UVRAG: variants seen among roughly 807,000 people sequenced by gnomAD.
UVRAG encodes the protein UV radiation resistance-associated gene protein.
Under a neutral mutation model 78.0 loss-of-function variants are expected in UVRAG, and 19 were observed. The observed-to-expected ratio is 0.24, with a 90% CI of 0.17 to 0.36. UVRAG has a LOEUF of 0.36. Ranked by LOEUF, UVRAG falls within the 10% of genes least tolerant of loss-of-function variation. The pLI, the probability that UVRAG is intolerant of heterozygous loss-of-function variation, is 1.00. For synonymous variants in UVRAG, 323 were observed against 324.6 expected, an observed-to-expected ratio of 1.00 and a Z score of 0.05; for missense variants, 740 against 853.8, an observed-to-expected ratio of 0.87 and a Z score of 1.66.
chr11:75,996,911 G>T (rs570032307), intron 8 of UVRAG, among the ~76,000 whole-genome samples: 1 of 152,276 alleles, frequency 6.6e-6, no homozygotes, highest in South Asian at 2.1e-4. Flanking sequence ...AGCCAATTGT[G>T]TAGAGGTATG....
At chr11:76,127,341 A>C (rs1483245096) in intron 14 of UVRAG, among the ~76,000 whole-genome samples, 1 of 152,176 alleles carries the variant, frequency 6.6e-6, no homozygotes, top group Non-Finnish European at 1.5e-5. Context: ...AGAATGAAGG[A>C]GTTAAAGAAA....
At chr11:76,075,697 T>C (rs906139407) in intron 13 of UVRAG, among the ~76,000 whole-genome samples, 1 of 152,140 alleles carries the variant, frequency 6.6e-6, no homozygotes, top group African/African-American at 2.4e-5. Context: ...TATAGAACAT[T>C]TTCATTGCCC....
intron 5 of UVRAG, chr11:75,892,225 T>G: frequency 3.7e-6 from 2 of 535,328 alleles, no homozygotes; most frequent in Non-Finnish European, 4.8e-6. Context: ...ATTAAGCCAG[T>G]CACACACAGG....
At chr11:75,907,263 C>A (rs1220180108) in intron 5 of UVRAG, among the ~76,000 whole-genome samples, 1 of 152,154 alleles carries the variant, frequency 6.6e-6, no homozygotes, top group Non-Finnish European at 1.5e-5. Flanking sequence ...GTGGTGAAAG[C>A]AATCACCTTG....
chr11:75,999,918 A>T (rs377558893), intron 8 of UVRAG, among the ~76,000 whole-genome samples: 1 of 152,268 alleles, frequency 6.6e-6, no homozygotes. Flanking sequence ...AATCTAAAAC[A>T]CTTCCCATCC....
intron 1 of UVRAG, among the ~76,000 whole-genome samples, chr11:75,821,376 C>G (rs1007029245): frequency 6.6e-6 from 1 of 152,148 alleles, no homozygotes; most frequent in African/African-American, 2.4e-5. Context: ...GGGTCTCACT[C>G]TGTTGCCCAG....
At chr11:76,059,793 G>A (rs1411834349) in intron 12 of UVRAG, among the ~76,000 whole-genome samples, 2 of 152,210 alleles carry the variant, frequency 1.3e-5, no homozygotes, top group Non-Finnish European at 1.5e-5. Flanking sequence ...GAGAAAAGTA[G>A]TAATGGCAAA....
intron 6 of UVRAG, among the ~76,000 whole-genome samples, chr11:75,938,247 A>G (rs1948417387): frequency 6.6e-6 from 1 of 151,790 alleles, no homozygotes; most frequent in Admixed American, 6.6e-5. Context: ...TGTTCAGTCT[A>G]TTTTCTGGCT....
At chr11:75,928,601 A>G (rs1948162688) in intron 6 of UVRAG, among the ~76,000 whole-genome samples, 1 of 146,214 alleles carries the variant, frequency 6.8e-6, no homozygotes, top group East Asian at 2.0e-4. Context: ...CCTGCCTCAG[A>G]AAAAAAAAAA....
chr11:75,916,849 GT>G (rs1415085897), intron 6 of UVRAG: 1 of 152,148 alleles, frequency 6.6e-6, no homozygotes, highest in Non-Finnish European at 1.5e-5. Context: ...CTGTGTGGGG[GT>G]CATAAGACCA....
At chr11:76,016,168 T>C (rs1481294506) in intron 11 of UVRAG, among the ~76,000 whole-genome samples, 1 of 152,186 alleles carries the variant, frequency 6.6e-6, no homozygotes, top group Non-Finnish European at 1.5e-5. Context: ...TTTTTCCTAG[T>C]AGTTGCTTCC....
intron 1 of UVRAG, among the ~76,000 whole-genome samples, chr11:75,841,073 T>C (rs1477847965): frequency 7.2e-5 from 11 of 152,162 alleles, no homozygotes; most frequent in Admixed American, 7.2e-4. Context: ...GTAACAGTAA[T>C]ATAAATTTGC....
At chr11:76,087,125 T>G (rs1044749418) in intron 13 of UVRAG, among the ~76,000 whole-genome samples, 8 of 152,238 alleles carry the variant, frequency 5.3e-5, no homozygotes, top group Non-Finnish European at 1.2e-4. Context: ...TGTGAGAGAT[T>G]TATTTTTCCT....
intron 13 of UVRAG, among the ~76,000 whole-genome samples, chr11:76,075,490 G>A (rs1336333657): frequency 6.6e-6 from 1 of 151,994 alleles, no homozygotes; most frequent in Non-Finnish European, 1.5e-5. Flanking sequence ...GCAGTCGCCT[G>A]TAATCCCAGC....
chr11:76,092,917 A>T (rs960931485), intron 13 of UVRAG, among the ~76,000 whole-genome samples: 1 of 152,190 alleles, frequency 6.6e-6, no homozygotes, highest in Admixed American at 6.5e-5. Context: ...GCCCATGCCT[A>T]TGTCCTGAAT....
intron 11 of UVRAG, 74 bp from the exon 12 acceptor site, chr11:76,016,739 TGA>T: frequency 7.9e-7 from 1 of 1,259,716 alleles, no homozygotes; most frequent in Non-Finnish European, 1.0e-6. Flanking sequence ...AAATATTCTT[TGA>T]AAATTATTTA....
intron 13 of UVRAG, among the ~76,000 whole-genome samples, chr11:76,098,432 A>T (rs1480079866): frequency 6.6e-6 from 1 of 152,140 alleles, no homozygotes; most frequent in Non-Finnish European, 1.5e-5. Flanking sequence ...TAACTCGCAA[A>T]CCTAGATGCC....
At chr11:75,847,806 A>G (rs1472921544) in intron 1 of UVRAG, among the ~76,000 whole-genome samples, 1 of 151,760 alleles carries the variant, frequency 6.6e-6, no homozygotes, top group Admixed American at 6.6e-5. Context: ...CCCCGTCTCC[A>G]CTAAAATACA....
chr11:75,945,363 G>A (rs1948568834), intron 6 of UVRAG, among the ~76,000 whole-genome samples: 1 of 152,024 alleles, frequency 6.6e-6, no homozygotes, highest in Non-Finnish European at 1.5e-5. Flanking sequence ...ATAGGCCTAG[G>A]TTTTCAAGGA....
Sources: allele counts gnomAD v4.1 joint callset (sites outside exome capture counted in the v4.1 genomes callset), GRCh38; gene constraint gnomAD v4.1.1; transcripts MANE v1.5; gene names NCBI Gene and HGNC (gene_info 2026-07-23, HGNC 2026-07-21).